The following MGRN1 variants were observed in gnomAD, a reference collection of about 807,000 sequenced individuals.
MGRN1 encodes the protein E3 ubiquitin-protein ligase MGRN1.
Under a neutral mutation model 69.2 loss-of-function variants are expected in MGRN1, and 29 were observed. That is an observed-to-expected ratio of 0.42 (90% CI 0.31 to 0.57). The LOEUF (loss-of-function observed/expected upper bound fraction) is 0.57, where lower values mean the gene tolerates loss of function less well. Ranked by LOEUF, MGRN1 falls within the 20% of genes least tolerant of loss-of-function variation. The pLI is 0.15. For synonymous variants in MGRN1, 470 were observed against 344.2 expected, an observed-to-expected ratio of 1.37 and a Z score of -4.04; for missense variants, 998 against 796.2, an observed-to-expected ratio of 1.25 and a Z score of -3.05.
intron 16 of MGRN1, chr16:4,686,782 C>T (rs1339824691): frequency 1.0e-6 from 1 of 991,250 alleles, no homozygotes. Context: ...CGCATCGGTC[C>T]TGCAGCAGAC....
At position 4,657,738 on chromosome 16, in the gene MGRN1, C is replaced by CTTTTTTTTTTTTTT. The variant is rs1157518931; in HGVS notation, c.561+389_561+402dup. Reference sequence around the variant, plus strand: ...TGTTTAAAATCTTGGTGCAGACATCCTTTTTTTTTTTTTTTTTTTTTTTTT... The same window carrying CTTTTTTTTTTTTTT: ...TGTTTAAAATCTTGGTGCAGACATCCTTTTTTTTTTTTTTTTTTTTTTTTTTTTTTTTTTTTTTT... On this transcript the variant is annotated intron_variant, in intron 5 of 16. Coordinates refer to ENST00000262370, the MANE Select transcript of MGRN1 (RefSeq NM_015246.4). 1.3e-4 allele frequency among the ~76,000 whole-genome samples: 10 copies of CTTTTTTTTTTTTTT among 77,050 alleles called. 1 individual carries two copies. Among genetic ancestry groups the CTTTTTTTTTTTTTT allele is most frequent in the Non-Finnish European group, 2.2e-4 (9 of 40,554 alleles). 50.5% of individuals were successfully genotyped at this position (77,050 alleles called of 152,430 possible). A position where few individuals can be genotyped will look rare whatever the true frequency, so the allele number is the denominator to read the frequency against.
intron 1 of MGRN1, among the ~76,000 whole-genome samples, chr16:4,647,772 C>T (rs2078305061): frequency 6.6e-6 from 1 of 152,150 alleles, no homozygotes; most frequent in South Asian, 2.1e-4. Context: ...GAAGCAGTTG[C>T]CGCTTTCTTC....
intron 4 of MGRN1, among the ~76,000 whole-genome samples, chr16:4,653,317 C>T (rs181741833): frequency 1.8e-4 from 28 of 152,258 alleles, no homozygotes; most frequent in African/African-American, 6.3e-4. Context: ...TGGGGCGCAC[C>T]ACCTTCCTCG....
chr16:4,650,454 C>G lies in MGRN1; in HGVS notation c.178C>G (p.Leu60Val), dbSNP rs1296428286. ...TTACCTCTTTGGAGAGAACATGGAT[C>G]TGAACTTCCTGGGCAGCCGCCCGGT... is the stretch of plus-strand genomic sequence containing the variant. The part of the protein sequence containing the change: ...EGYLFGENMD[L>V]NFLGSRPVQF... The change falls in exon 2 of 17, where the codon CTG (leucine) becomes GTG (valine). Residue 60 changes from leucine (L) to valine (V), a missense_variant. Coordinates refer to ENST00000262370, the MANE Select transcript of MGRN1 (RefSeq NM_015246.4). 1 of 1,613,892 alleles carries G rather than the reference C, an allele frequency of 6.2e-7. No homozygotes were observed. Among genetic ancestry groups the G allele is most frequent in the Non-Finnish European group, 8.5e-7 (1 of 1,179,900 alleles).
chr16:4,643,093 C>G (rs1406309940), intron 1 of MGRN1, among the ~76,000 whole-genome samples: 3 of 151,976 alleles, frequency 2.0e-5, no homozygotes, highest in Non-Finnish European at 2.9e-5. Flanking sequence ...GTAGCTGGGA[C>G]TATAGGCACA....
chr16:4,638,296 C>T (rs1227164156), intron 1 of MGRN1, among the ~76,000 whole-genome samples: 2 of 152,000 alleles, frequency 1.3e-5, no homozygotes, highest in African/African-American at 4.8e-5. Flanking sequence ...GAAACTCCGT[C>T]TCTACTAAAA....
At chr16:4,628,385 C>CAA (rs35474754) in intron 1 of MGRN1, among the ~76,000 whole-genome samples, 77 of 94,004 alleles carry the variant, frequency 8.2e-4, no homozygotes, top group African/African-American at 2.7e-3. Context: ...ACTCTGTCTC[C>CAA]AAAAAAAAAA....
chr16:4,684,087 T>G lies in MGRN1; in HGVS notation c.1618+155T>G, dbSNP rs530019759. On this transcript the variant is annotated intron_variant, in intron 16 of 16. Coordinates refer to ENST00000262370, the MANE Select transcript of MGRN1 (RefSeq NM_015246.4). ...TCAGCCATGCCCCTGCTATTGACCG[T>G]GAAGCAGGATGCGGGCCAGGGCCAT... 2.6e-5 allele frequency among the ~76,000 whole-genome samples: 4 copies of G among 152,332 alleles called. No homozygotes were observed. In the South Asian group the frequency reaches 6.2e-4, roughly 24 times the overall value.
At chr16:4,658,630 G>A (rs1272922997) in intron 5 of MGRN1, among the ~76,000 whole-genome samples, 2 of 152,026 alleles carry the variant, frequency 1.3e-5, no homozygotes, top group Non-Finnish European at 2.9e-5. Context: ...CTCATGAGCT[G>A]ACTTACGCTG....
chr16:4,653,035 G>T (rs2078444354), intron 4 of MGRN1, among the ~76,000 whole-genome samples: 3 of 152,216 alleles, frequency 2.0e-5, no homozygotes, highest in Admixed American at 2.0e-4. Context: ...ACTGGTTTCA[G>T]TTCCAACGCT....
At chr16:4,636,262 A>C in intron 1 of MGRN1, among the ~76,000 whole-genome samples, 2 of 147,918 alleles carry the variant, frequency 1.4e-5, no homozygotes, top group Non-Finnish European at 3.0e-5. Context: ...CCTGGGAACC[A>C]CCCCCCTGAC....
intron 15 of MGRN1, among the ~76,000 whole-genome samples, chr16:4,683,613 A>G (rs931838683): frequency 1.3e-5 from 2 of 152,128 alleles, no homozygotes; most frequent in East Asian, 1.9e-4. Flanking sequence ...AAAAGGGGAA[A>G]AAAAAGCCCC....
chr16:4,654,991 C>T (rs2078499611), intron 4 of MGRN1, among the ~76,000 whole-genome samples: 1 of 152,212 alleles, frequency 6.6e-6, no homozygotes, highest in Non-Finnish European at 1.5e-5. Context: ...GTAATGCATG[C>T]CTGTGTGCTA....
At chr16:4,684,028 G>A in intron 16 of MGRN1, 96 bp downstream of exon 16, 1 of 1,078,362 alleles carries the variant, frequency 9.3e-7, no homozygotes, top group African/African-American at 1.6e-5. Context: ...AGCAGCAGAG[G>A]CTGTCCATTG....
chr16:4,687,128 A>T (rs2079341231), intron 16 of MGRN1: 1 of 985,160 alleles, frequency 1.0e-6, no homozygotes, highest in Non-Finnish European at 1.2e-6. Flanking sequence ...CTGCCGACTC[A>T]CCTGTCCCTC....
In MGRN1 at chr16:4,689,082, C is replaced by A; in HGVS notation, c.*174C>A. ...GCACAGTGAACTGTCCCTTCTGAGT[C>A]TCCCTTTTCTACAGTTGATATATTT... On this transcript the variant is annotated 3_prime_UTR_variant, in exon 17 of 17. Transcript: ENST00000262370. The A allele has an allele frequency of 1.2e-6, 1 of 821,360 alleles. No individual in the cohort carries two copies. 50.9% of individuals were successfully genotyped at this position (821,360 alleles called of 1,614,324 possible). A position where few individuals can be genotyped will look rare whatever the true frequency, so the allele number is the denominator to read the frequency against.
chr16:4,639,903 C>G (rs990739283), intron 1 of MGRN1: 13 of 152,256 alleles, frequency 8.5e-5, no homozygotes, highest in African/African-American at 2.9e-4. Context: ...GGCTTGATAG[C>G]AAGACCCTAC....
At chr16:4,673,447 C>T (rs747034859) in intron 9 of MGRN1, 51 bp from the exon 10 acceptor site, 20 of 1,589,230 alleles carry the variant, frequency 1.3e-5, no homozygotes, top group East Asian at 4.5e-5. Context: ...AAGCAGGAGC[C>T]GTACTCTGGC....
intron 1 of MGRN1, among the ~76,000 whole-genome samples, chr16:4,632,007 CTTTTTTTTTTT>C (rs869090061): frequency 1.5e-5 from 1 of 64,840 alleles, no homozygotes; most frequent in Non-Finnish European, 2.7e-5. Context: ...AAAAAATTTC[CTTTTTTTTTTT>C]TTTTTTTTTT....
Sources: allele counts gnomAD v4.1 joint callset (sites outside exome capture counted in the v4.1 genomes callset), GRCh38; gene constraint gnomAD v4.1.1; transcripts MANE v1.5; gene names NCBI Gene and HGNC (gene_info 2026-07-23, HGNC 2026-07-21).